PLAC1: variants seen among roughly 807,000 people sequenced by gnomAD.
PLAC1 encodes placenta associated 1.
For missense variants in PLAC1, 136 were observed against 163.2 expected, an observed-to-expected ratio of 0.83 and a Z score of 0.91; for synonymous variants, 68 against 62.1, an observed-to-expected ratio of 1.09 and a Z score of -0.44.
At chrX:134,646,919 A>C (rs1043938187) in intron 1 of PLAC1, among the ~76,000 whole-genome samples, 1 of 111,688 alleles carries the variant, frequency 9.0e-6, no homozygotes, top group Non-Finnish European at 1.9e-5. Flanking sequence ...ATTGAGCAAG[A>C]TTTATTGCCT....
chrX:134,689,702 T>C (rs1464104109), intron 2 of PLAC1, among the ~76,000 whole-genome samples: 1 of 111,916 alleles, frequency 8.9e-6, no homozygotes, highest in Non-Finnish European at 1.9e-5. Flanking sequence ...TGAGCCTTGG[T>C]GCCCTCCTAA....
chrX:134,629,972 T>A (rs981293943), intron 1 of PLAC1, among the ~76,000 whole-genome samples: 12 of 102,138 alleles, frequency 1.2e-4, no homozygotes, highest in Non-Finnish European at 1.8e-4. Context: ...TCTTCCCTTT[T>A]TTTTTTTTTT....
At chrX:134,689,050 T>G (rs2078527990) in intron 2 of PLAC1, among the ~76,000 whole-genome samples, 1 of 112,235 alleles carries the variant, frequency 8.9e-6, no homozygotes, top group Admixed American at 9.5e-5. Context: ...AAGTTCTGGC[T>G]GTTCTGCCTT....
intron 2 of PLAC1, among the ~76,000 whole-genome samples, chrX:134,715,177 GC>G (rs1280239612): frequency 6.3e-5 from 7 of 111,639 alleles, no homozygotes; most frequent in African/African-American, 2.3e-4. Context: ...ACTCAGAAAA[GC>G]TAAGCAACTT....
intron 2 of PLAC1, among the ~76,000 whole-genome samples, chrX:134,680,184 C>A (rs1374610089): frequency 8.9e-6 from 1 of 112,090 alleles, no homozygotes; most frequent in Non-Finnish European, 1.9e-5. Flanking sequence ...AAGAGCCAGG[C>A]ACTGTTCTAA....
chrX:134,675,201 A>T (rs986683383), intron 2 of PLAC1, among the ~76,000 whole-genome samples: 4 of 112,376 alleles, frequency 3.6e-5, no homozygotes, highest in Non-Finnish European at 5.6e-5. Context: ...ATAATTAAGA[A>T]GAAAAAGTAA....
At position 134,677,571 on chromosome X, in the gene PLAC1, G is replaced by A. The variant is rs140832805; in HGVS notation, n.174+55864C>T. Among the ~76,000 whole-genome samples, 643 of 110,957 alleles carry A rather than the reference G, an allele frequency of 5.8e-3. 7 individuals carry two copies. Among genetic ancestry groups the A allele is most frequent in the African/African-American group, 0.02 (613 of 30,492 alleles). On this transcript the variant is annotated intron_variant and non_coding_transcript_variant, in intron 2 of 2. Transcript: ENST00000466797. ...CAGCTGGTGCAAAGTCCTTGAGGTA[G>A]GAACAAACTGGAAGGGTTTAAGGAA...
chrX:134,694,446 G>C (rs903683122), intron 2 of PLAC1, among the ~76,000 whole-genome samples: 1 of 111,462 alleles, frequency 9.0e-6, no homozygotes, highest in Non-Finnish European at 1.9e-5. Flanking sequence ...CTGAGCACCT[G>C]GCAATTTCCT....
chrX:134,737,463 A>C (rs150091951), intron 1 of PLAC1, among the ~76,000 whole-genome samples: 2,465 of 112,589 alleles, frequency 0.022, 76 homozygotes, highest in African/African-American at 0.076. Flanking sequence ...ACTGGATGGC[A>C]GCTAGAAAAA....
chrX:134,569,611 T>A (rs1404665270), intron 2 of PLAC1, among the ~76,000 whole-genome samples: 1 of 111,287 alleles, frequency 9.0e-6, no homozygotes, highest in Non-Finnish European at 1.9e-5. Flanking sequence ...ATGTACTTTC[T>A]AATGAGCTTG....
chrX:134,758,690 A>G (rs2078762806), intron 1 of PLAC1, among the ~76,000 whole-genome samples: 1 of 112,213 alleles, frequency 8.9e-6, no homozygotes, highest in African/African-American at 3.2e-5. Flanking sequence ...ACACTACAAG[A>G]AAACCTATGG....
intron 1 of PLAC1, among the ~76,000 whole-genome samples, chrX:134,645,667 C>G (rs2078329418): frequency 8.9e-6 from 1 of 111,857 alleles, no homozygotes; most frequent in Non-Finnish European, 1.9e-5. Flanking sequence ...GAGCTGGGCC[C>G]ACGATGTACA....
At chrX:134,663,563 G>A (rs1430595698) in intron 2 of PLAC1, among the ~76,000 whole-genome samples, 2 of 112,298 alleles carry the variant, frequency 1.8e-5, no homozygotes, top group African/African-American at 6.5e-5. Context: ...ATAGGTTCAT[G>A]GTTCCTTTTC....
At chrX:134,656,166 T>C (rs986191629) in intron 1 of PLAC1, among the ~76,000 whole-genome samples, 1 of 112,061 alleles carries the variant, frequency 8.9e-6, no homozygotes. Flanking sequence ...TGGAAAACCA[T>C]CAATGGCTAT....
At chrX:134,754,443 T>C (rs777141405) in intron 1 of PLAC1, among the ~76,000 whole-genome samples, 8 of 111,367 alleles carry the variant, frequency 7.2e-5, no homozygotes, top group Non-Finnish European at 1.5e-4. Flanking sequence ...GATCTATAAT[T>C]ATAGTATTAG....
chrX:134,724,602 A>T (rs1417381216), intron 2 of PLAC1, among the ~76,000 whole-genome samples: 3 of 113,007 alleles, frequency 2.7e-5, no homozygotes, highest in Non-Finnish European at 3.7e-5. Context: ...ACAAAAAAGA[A>T]ATTAAAAATG....
chrX:134,739,249 G>A (rs1350056663), intron 1 of PLAC1, among the ~76,000 whole-genome samples: 1 of 112,400 alleles, frequency 8.9e-6, no homozygotes, highest in Non-Finnish European at 1.9e-5. Flanking sequence ...TAACACAGCA[G>A]GGTGGGAGTG....
chrX:134,741,704 A>G (rs1381691510), intron 1 of PLAC1, among the ~76,000 whole-genome samples: 9 of 79,047 alleles, frequency 1.1e-4, no homozygotes, highest in African/African-American at 9.6e-4. Context: ...CTGTCTTGGA[A>G]AAAAAAAAAA....
At chrX:134,707,797 T>A (rs922761621) in intron 2 of PLAC1, among the ~76,000 whole-genome samples, 3 of 112,292 alleles carry the variant, frequency 2.7e-5, no homozygotes, top group Non-Finnish European at 5.6e-5. Flanking sequence ...AGTAAAACAT[T>A]GTTTGATAGT....
Sources: allele counts gnomAD v4.1 joint callset (sites outside exome capture counted in the v4.1 genomes callset), GRCh38; gene constraint gnomAD v4.1.1; transcripts MANE v1.5; gene names NCBI Gene and HGNC (gene_info 2026-07-23, HGNC 2026-07-21).